CYP2C19: variants seen among roughly 807,000 people sequenced by gnomAD.
CYP2C19 encodes cytochrome P450 family 2 subfamily C member 19, also known as cytochrome P450 2C19.
CYP2C19 carries 59 observed loss-of-function variants against 40.9 expected under a neutral mutation model. The ratio of observed to expected loss-of-function variants is 1.44; its 90% CI spans 1.17 to 1.79. The LOEUF is 1.79. Among genes scored for constraint, CYP2C19 ranks in the 40% most tolerant of loss-of-function variants. The probability of loss-of-function intolerance (pLI) is 0.00; values close to 1 mark genes in which losing one functional copy is unlikely to be tolerated. For missense variants in CYP2C19, 754 were observed against 596.9 expected, an observed-to-expected ratio of 1.26 and a Z score of -2.74; for synonymous variants, 253 against 208.7, an observed-to-expected ratio of 1.21 and a Z score of -1.83.
chr10:94,778,375 C>T (rs1439640002), intron 3 of CYP2C19, among the ~76,000 whole-genome samples: 1 of 152,168 alleles, frequency 6.6e-6, no homozygotes, highest in East Asian at 1.9e-4. Flanking sequence ...TCCGACCTTT[C>T]AGAAGGCCTG....
chr10:94,821,633 CT>C (rs966758979), intron 6 of CYP2C19, among the ~76,000 whole-genome samples: 1 of 152,052 alleles, frequency 6.6e-6, no homozygotes, highest in African/African-American at 2.4e-5. Context: ...AACAACTTTA[CT>C]TTAGAAATTT....
rs61240923 is a variant in CYP2C19, at chr10:94,798,814, ATTTTTTTT to A, written c.819+16834_819+16841del. ...TCAAAGGGTAGGATTGCAACCCCTG[ATTTTTTTT>A]TTTTTTTTTTTTTTTTGCTGTCTAT... On this transcript the variant is annotated intron_variant, in intron 5 of 8. Coordinates refer to ENST00000371321, the MANE Select transcript of CYP2C19 (RefSeq NM_000769.4). Among the ~76,000 whole-genome samples the A allele has an allele frequency of 2.4e-4, 16 of 67,696 alleles. No individual in the cohort carries two copies. The South Asian group carries it at 5.2e-3, about 22-fold the overall frequency. The allele number at this position is 67,696 out of a possible 152,430, so 44.4% of individuals were successfully genotyped here. A position where few individuals can be genotyped will look rare whatever the true frequency, so the allele number is the denominator to read the frequency against.
At chr10:94,789,694 T>C (rs1444017488) in intron 5 of CYP2C19, among the ~76,000 whole-genome samples, 1 of 152,168 alleles carries the variant, frequency 6.6e-6, no homozygotes, top group Non-Finnish European at 1.5e-5. Context: ...TTCTGTTCCA[T>C]TGATCTATAT....
chr10:94,829,245 A>G (rs1392690953), intron 6 of CYP2C19, among the ~76,000 whole-genome samples: 1 of 152,200 alleles, frequency 6.6e-6, no homozygotes, highest in African/African-American at 2.4e-5. Flanking sequence ...CCTGGATAAT[A>G]TCCTGCAGAG....
intron 1 of CYP2C19, among the ~76,000 whole-genome samples, chr10:94,765,339 G>A (rs192313166): frequency 9.2e-5 from 14 of 152,182 alleles, no homozygotes; most frequent in African/African-American, 3.4e-4. Context: ...TAAGGTGCAG[G>A]TGCCAGTCCA....
At chr10:94,833,481 G>A (rs1450696058) in intron 6 of CYP2C19, among the ~76,000 whole-genome samples, 1 of 151,356 alleles carries the variant, frequency 6.6e-6, no homozygotes, top group African/African-American at 2.4e-5. Flanking sequence ...TTAAGATTTA[G>A]GGTACATGTG....
At chr10:94,776,660 AAG>A (rs1848411147) in intron 3 of CYP2C19, among the ~76,000 whole-genome samples, 1 of 152,200 alleles carries the variant, frequency 6.6e-6, no homozygotes, top group Non-Finnish European at 1.5e-5. Context: ...TCAAAATAAT[AAG>A]AGCTATTTAT....
intron 5 of CYP2C19, among the ~76,000 whole-genome samples, chr10:94,793,787 A>C (rs180839838): frequency 1.3e-3 from 194 of 152,280 alleles, no homozygotes; most frequent in African/African-American, 4.5e-3. Context: ...GGTGTCTCCC[A>C]GTTAGGCTAC....
chr10:94,780,449 T>C (rs758394265), intron 3 of CYP2C19, 50 bp from the exon 4 acceptor site: 2 of 1,602,298 alleles, frequency 1.2e-6, no homozygotes, highest in Admixed American at 3.4e-5. Context: ...ATATGAAGTG[T>C]TTTATATCTA....
chr10:94,777,436 A>G (rs1181218518), intron 3 of CYP2C19, among the ~76,000 whole-genome samples: 1 of 152,184 alleles, frequency 6.6e-6, no homozygotes, highest in African/African-American at 2.4e-5. Context: ...ACAGCATGGT[A>G]CTGATACCAA....
At chr10:94,807,546 G>A (rs1447285882) in intron 5 of CYP2C19, among the ~76,000 whole-genome samples, 2 of 151,984 alleles carry the variant, frequency 1.3e-5, no homozygotes, top group Admixed American at 1.3e-4. Flanking sequence ...GTCCTCACCA[G>A]CGTTGGCTGT....
At chr10:94,824,312 T>A (rs1849176355) in intron 6 of CYP2C19, among the ~76,000 whole-genome samples, 1 of 152,064 alleles carries the variant, frequency 6.6e-6, no homozygotes, top group African/African-American at 2.4e-5. Flanking sequence ...GAGATTAAAA[T>A]TTTCATCTCA....
At chr10:94,841,517 C>G (rs752116799) in intron 6 of CYP2C19, among the ~76,000 whole-genome samples, 1 of 152,064 alleles carries the variant, frequency 6.6e-6, no homozygotes, top group East Asian at 1.9e-4. Context: ...GGGAGGGGAC[C>G]CAAAGGGGGT....
At chr10:94,769,970 C>A (rs1482512352) in intron 1 of CYP2C19, among the ~76,000 whole-genome samples, 2 of 152,100 alleles carry the variant, frequency 1.3e-5, no homozygotes, top group Admixed American at 6.5e-5. Flanking sequence ...GTGAAAAGAG[C>A]AAAGTCTCCC....
intron 6 of CYP2C19, among the ~76,000 whole-genome samples, chr10:94,831,232 G>T (rs762315837): frequency 6.6e-6 from 1 of 152,040 alleles, no homozygotes; most frequent in Non-Finnish European, 1.5e-5. Flanking sequence ...TGGCTGAATA[G>T]AACTCCATTG....
In CYP2C19 at chr10:94,827,011, C is replaced by T. The variant is rs564070775; in HGVS notation, c.961+6374C>T. On this transcript the variant is annotated intron_variant, in intron 6 of 8. Transcript: ENST00000371321. The stretch of plus-strand genomic sequence containing the variant: ...CCAGCCTTGCATCCCAGGGATGAAG[C>T]CCACTCGATCATGGTGGATAAGCTT... 1.5e-4 allele frequency among the ~76,000 whole-genome samples: 23 copies of T among 152,192 alleles called. No homozygotes were observed. The South Asian group carries it at 4.8e-3, about 32-fold the overall frequency.
Position 94,818,513 on chromosome 10 carries a change from T to G in CYP2C19, c.820-1983T>G, listed in dbSNP as rs1160578942. On this transcript the variant is annotated intron_variant, in intron 5 of 8. Coordinates refer to ENST00000371321, the MANE Select transcript of CYP2C19 (RefSeq NM_000769.4). ...CCATTTTCACAATATTGATTCTTCC[T>G]ACCCATGAGCATGGAATGTTCTTCC... Among the ~76,000 whole-genome samples, 387 of 148,214 alleles carry G rather than the reference T, an allele frequency of 2.6e-3. 1 individual carries two copies. The highest frequency in any genetic ancestry group is 7.7e-3 in the African/African-American group (309 of 40,372).
At chr10:94,836,000 G>A (rs1331724905) in intron 6 of CYP2C19, among the ~76,000 whole-genome samples, 4 of 152,154 alleles carry the variant, frequency 2.6e-5, no homozygotes, top group African/African-American at 7.2e-5. Flanking sequence ...AGTTCCCCTC[G>A]AGTGGTGTAG....
chr10:94,835,559 T>G (rs182979418), intron 6 of CYP2C19, among the ~76,000 whole-genome samples: 4 of 152,252 alleles, frequency 2.6e-5, no homozygotes, highest in East Asian at 1.9e-4. Context: ...CCTCAATATC[T>G]GCTTGGCGGT....
Sources: allele counts gnomAD v4.1 joint callset (sites outside exome capture counted in the v4.1 genomes callset), GRCh38; gene constraint gnomAD v4.1.1; transcripts MANE v1.5; gene names NCBI Gene and HGNC (gene_info 2026-07-23, HGNC 2026-07-21).